Variants in GSE1 observed in about 807,000 individuals in gnomAD.
GSE1 encodes the protein genetic suppressor element 1.
In GSE1, 32 loss-of-function variants were observed where a neutral mutation model predicts 112.6. That is an observed-to-expected ratio of 0.28 (90% CI 0.21 to 0.38). The LOEUF is 0.38. GSE1 is among the 10% of genes least tolerant of loss of function. The probability of loss-of-function intolerance (pLI) is 1.00; values close to 1 mark genes in which losing one functional copy is unlikely to be tolerated. For missense variants in GSE1, 2,348 were observed against 1,699.2 expected, an observed-to-expected ratio of 1.38 and a Z score of -6.71; for synonymous variants, 1,115 against 735.6, an observed-to-expected ratio of 1.52 and a Z score of -8.35.
chr16:85,540,567 A>G (rs2044483968), intron 2 of GSE1, among the ~76,000 whole-genome samples: 1 of 152,164 alleles, frequency 6.6e-6, no homozygotes, highest in Non-Finnish European at 1.5e-5. Context: ...CAGCTTGAGG[A>G]TTTCCTATTT....
chr16:85,425,330 A>G (rs2048948164), intron 2 of GSE1, among the ~76,000 whole-genome samples: 1 of 39,712 alleles, frequency 2.5e-5, no homozygotes, highest in South Asian at 9.8e-4. Context: ...GACAGCAGGA[A>G]GCAGCCCCAC....
chr16:85,341,695 T>A (rs2046627442), intron 1 of GSE1, among the ~76,000 whole-genome samples: 1 of 152,066 alleles, frequency 6.6e-6, no homozygotes, highest in Non-Finnish European at 1.5e-5. Flanking sequence ...AGATAGGATG[T>A]TGCTATGTTG....
chr16:85,318,320 C>G (rs537049704), intron 1 of GSE1, among the ~76,000 whole-genome samples: 1 of 152,306 alleles, frequency 6.6e-6, no homozygotes, highest in East Asian at 1.9e-4. Context: ...CTATAGTGCA[C>G]TGGTGCAGCT....
Position 85,373,752 on chromosome 16 carries a change from C to T in GSE1, c.2464+16109C>T, listed in dbSNP as rs1597518198. Among the ~76,000 whole-genome samples, 1 of 152,104 alleles carries T rather than the reference C, an allele frequency of 6.6e-6. No individual in the cohort carries two copies. The highest frequency in any genetic ancestry group is 2.4e-5 in the African/African-American group (1 of 41,408). On this transcript the variant is annotated intron_variant, in intron 2 of 2. Transcript: ENST00000637419. The surrounding 1 kb of genome is among the most constrained non-coding windows in gnomAD (Gnocchi z 5.1). ...AAAGGGCGAATGAATGAGCGCTGGCCGCCTTCTCCCGGCAGGCCTGGGGAC... is the reference window on the plus strand; with the variant it reads ...AAAGGGCGAATGAATGAGCGCTGGCTGCCTTCTCCCGGCAGGCCTGGGGAC...
chr16:85,444,845 C>T (rs1036275325), intron 2 of GSE1, among the ~76,000 whole-genome samples: 1 of 152,148 alleles, frequency 6.6e-6, no homozygotes, highest in African/African-American at 2.4e-5. Flanking sequence ...GGACTGTTTC[C>T]ACTGTGGGAG....
intron 1 of GSE1, among the ~76,000 whole-genome samples, chr16:85,325,608 T>G (rs767736803): frequency 2.0e-5 from 3 of 151,430 alleles, no homozygotes; most frequent in Non-Finnish European, 4.4e-5. Flanking sequence ...TATGCCGCCA[T>G]GCCCAGCTAA....
chr16:85,179,442 G>A (rs1040046030), intron 1 of GSE1, among the ~76,000 whole-genome samples: 6 of 152,150 alleles, frequency 3.9e-5, no homozygotes, highest in African/African-American at 1.4e-4. Flanking sequence ...TGGCTCCTCT[G>A]AATCATGCCA....
chr16:85,629,636 G>T (rs4843971), intron 1 of GSE1, among the ~76,000 whole-genome samples: 99,719 of 152,116 alleles, frequency 0.66, 34,350 homozygotes, highest in East Asian at 0.87. Context: ...AATAGGCCCA[G>T]TCCCAGCTTT....
intron 2 of GSE1, among the ~76,000 whole-genome samples, chr16:85,495,790 G>T (rs188011298): frequency 8.2e-4 from 125 of 152,252 alleles, no homozygotes; most frequent in Middle Eastern, 3.4e-3. Context: ...GAGCCACTAC[G>T]CCCAGCCATG....
rs146795883 is a variant in GSE1, at chr16:85,656,748, G to A, written c.1312+83G>A. 5.5e-4 allele frequency: 782 copies of A among 1,433,998 alleles called. 17 individuals carry two copies. In the East Asian group the frequency reaches 0.019, roughly 36 times the overall value. 88.8% of individuals were successfully genotyped at this position (1,433,998 alleles called of 1,614,324 possible). A position where few individuals can be genotyped will look rare whatever the true frequency, so the allele number is the denominator to read the frequency against. On this transcript the variant is annotated intron_variant, in intron 7 of 15. Transcript: ENST00000253458. ...CCCTGAATCGCAGCACCTGCCGGTTGCCGTGGTGTAAATGTTCCCCAGCTG... is the reference window on the plus strand; with the variant it reads ...CCCTGAATCGCAGCACCTGCCGGTTACCGTGGTGTAAATGTTCCCCAGCTG...
chr16:85,444,890 G>A (rs894325803), intron 2 of GSE1, among the ~76,000 whole-genome samples: 1 of 152,112 alleles, frequency 6.6e-6, no homozygotes, highest in Non-Finnish European at 1.5e-5. Context: ...GGGGTGTCCC[G>A]CCCATGCCCC....
At chr16:85,256,017 C>T (rs1907039717) in intron 1 of GSE1, among the ~76,000 whole-genome samples, 1 of 152,244 alleles carries the variant, frequency 6.6e-6, no homozygotes. Flanking sequence ...TGCGTGACCT[C>T]GGGCAAGTCC....
At chr16:85,510,643 T>C (rs973668984) in intron 2 of GSE1, among the ~76,000 whole-genome samples, 2 of 152,212 alleles carry the variant, frequency 1.3e-5, no homozygotes, top group African/African-American at 4.8e-5. Context: ...GCCCCCCAAG[T>C]GTGGGTGCAC....
Position 85,625,663 on chromosome 16 carries a change from C to T in GSE1, c.8-8251C>T, listed in dbSNP as rs868287895. 1.2e-4 allele frequency among the ~76,000 whole-genome samples: 18 copies of T among 152,330 alleles called. No homozygotes were observed. The South Asian group carries it at 1.5e-3, about 12-fold the overall frequency. The stretch of plus-strand genomic sequence containing the variant: ...GAGCAAGAGAAGGCTGGGGAGAAAC[C>T]GGGGTGGCCAGCCCCCTCCCCGTCA... On this transcript the variant is annotated intron_variant, in intron 1 of 15. Coordinates refer to ENST00000253458, the MANE Select transcript of GSE1 (RefSeq NM_014615.5).
intron 2 of GSE1, among the ~76,000 whole-genome samples, chr16:85,505,503 A>G (rs1011058640): frequency 6.6e-6 from 1 of 152,160 alleles, no homozygotes. Context: ...TGAGAGCATG[A>G]TTTGAAGGTG....
At chr16:85,186,410 C>T (rs1416478935) in intron 1 of GSE1, among the ~76,000 whole-genome samples, 1 of 152,024 alleles carries the variant, frequency 6.6e-6, no homozygotes, top group Non-Finnish European at 1.5e-5. Context: ...CAAGACCATC[C>T]TGGCCAACAT....
chr16:85,346,836 G>T lies in GSE1; in HGVS notation c.2284-10627G>T, dbSNP rs568831144. Among the ~76,000 whole-genome samples the T allele has an allele frequency of 2.0e-5, 3 of 151,880 alleles. No homozygotes were observed. The South Asian group carries it at 6.3e-4, about 32-fold the overall frequency. On this transcript the variant is annotated intron_variant, in intron 1 of 2. Transcript: ENST00000637419. ...TAGATGGTGGATGGATGGATGGATG[G>T]ATGATGGGCAGGTGGATGGGTGATG...
At chr16:85,525,804 A>C (rs2052347662) in intron 2 of GSE1, among the ~76,000 whole-genome samples, 1 of 152,140 alleles carries the variant, frequency 6.6e-6, no homozygotes, top group African/African-American at 2.4e-5. Context: ...TTCTTCCTAT[A>C]ATGCCACCCA....
intron 1 of GSE1, among the ~76,000 whole-genome samples, chr16:85,191,802 G>A (rs1047043277): frequency 6.6e-6 from 1 of 152,200 alleles, no homozygotes; most frequent in African/African-American, 2.4e-5. Flanking sequence ...ACGTATGGGA[G>A]GTGATACTTG....
Sources: allele counts gnomAD v4.1 joint callset (sites outside exome capture counted in the v4.1 genomes callset), GRCh38; gene constraint gnomAD v4.1.1; non-coding constraint Gnocchi (gnomAD v3.1); transcripts MANE v1.5; gene names NCBI Gene and HGNC (gene_info 2026-07-23, HGNC 2026-07-21).